CLSTN2: variants seen among roughly 807,000 people sequenced by gnomAD.
The protein encoded by CLSTN2 is calsyntenin 2, also known as calsyntenin-2.
A neutral mutation model predicts 101.2 loss-of-function variants in CLSTN2; 48 were observed. That is an observed-to-expected ratio of 0.47 (90% CI 0.38 to 0.60). The LOEUF (loss-of-function observed/expected upper bound fraction) is 0.60. Ranked by LOEUF, CLSTN2 falls within the 20% of genes least tolerant of loss-of-function variation. The probability of loss-of-function intolerance (pLI) is 0.00; values close to 1 mark genes in which losing one functional copy is unlikely to be tolerated. For missense variants in CLSTN2, 1,160 were observed against 1,238.2 expected (o/e 0.94, Z 0.95); for synonymous variants, 481 against 463.6 (o/e 1.04, Z -0.48).
In CLSTN2 at chr3:140,277,446, A is replaced by G. The variant is rs535366655; in HGVS notation, c.232+101373A>G. On this transcript the variant is annotated intron_variant, in intron 2 of 16. Transcript: ENST00000458420. ...CTGGGCCTGAGACAGATTCCTTCTG[A>G]ATAGTTCTGCAGATGACTGCTCCAA... Among the ~76,000 whole-genome samples the G allele has an allele frequency of 2.0e-4, 30 of 152,296 alleles. No homozygotes were observed. The South Asian group carries it at 3.5e-3, about 18-fold the overall frequency.
chr3:140,225,699 T>C (rs1329430112), intron 2 of CLSTN2, among the ~76,000 whole-genome samples: 1 of 152,112 alleles, frequency 6.6e-6, no homozygotes, highest in Non-Finnish European at 1.5e-5. Context: ...GGTTTCACCA[T>C]GTTGGCAAGG....
intron 1 of CLSTN2, among the ~76,000 whole-genome samples, chr3:139,945,965 T>G (rs1381113322): frequency 2.0e-5 from 3 of 152,250 alleles, no homozygotes; most frequent in Admixed American, 2.0e-4. Context: ...AAGTGTTGGA[T>G]GTAAATTAGA....
chr3:140,114,016 G>A (rs1466843771), intron 1 of CLSTN2, among the ~76,000 whole-genome samples: 3 of 152,154 alleles, frequency 2.0e-5, no homozygotes, highest in African/African-American at 7.2e-5. Context: ...GGGATCTGGT[G>A]ATCTGCAGCA....
chr3:140,290,861 G>A (rs867113978), intron 2 of CLSTN2, among the ~76,000 whole-genome samples: 1 of 152,280 alleles, frequency 6.6e-6, no homozygotes, highest in Middle Eastern at 3.4e-3. Context: ...TTTAGTGGAA[G>A]CAATGTCCTC....
rs1328606638 is a variant in CLSTN2, at chr3:139,935,249, G to T, written c.-126G>T. 9.5e-6 allele frequency: 4 copies of T among 419,496 alleles called. No individual in the cohort carries two copies. Among genetic ancestry groups the T allele is most frequent in the African/African-American group, 4.2e-5 (2 of 48,192 alleles). The allele number at this position is 419,496 out of a possible 1,614,324, so 26.0% of individuals were successfully genotyped here. On this transcript the variant is annotated 5_prime_UTR_variant, in exon 1 of 17. Transcript: ENST00000458420. This position sits in a 1 kb window ranked among gnomAD's most constrained non-coding sequence, Gnocchi z 5.5. ...GCGGGAACCCGAGGCCGAGCGCCGC[G>T]GCGGCAGCGCTAGAAGCGCACCCAT... is the stretch of plus-strand genomic sequence containing the variant.
intron 2 of CLSTN2, among the ~76,000 whole-genome samples, chr3:140,281,125 C>T (rs1194777549): frequency 3.3e-5 from 5 of 152,214 alleles, no homozygotes; most frequent in Admixed American, 2.0e-4. Flanking sequence ...GTGTGACAGC[C>T]TCCCAGCAGG....
intron 2 of CLSTN2, among the ~76,000 whole-genome samples, chr3:140,224,066 A>C (rs1297943739): frequency 6.6e-6 from 1 of 152,216 alleles, no homozygotes; most frequent in Non-Finnish European, 1.5e-5. Context: ...TAATACCCTT[A>C]CAGTATAGTG....
At chr3:140,015,028 C>T (rs1376285604) in intron 1 of CLSTN2, among the ~76,000 whole-genome samples, 2 of 152,164 alleles carry the variant, frequency 1.3e-5, no homozygotes, top group Non-Finnish European at 2.9e-5. Flanking sequence ...ACTTTGTGAC[C>T]ACAACACAGC....
intron 1 of CLSTN2, among the ~76,000 whole-genome samples, chr3:139,972,136 C>T (rs564084605): frequency 3.9e-4 from 59 of 152,100 alleles, no homozygotes; most frequent in Non-Finnish European, 6.8e-4. Context: ...TGGTGGCAGG[C>T]GCCTGTAGTC....
intron 16 of CLSTN2, among the ~76,000 whole-genome samples, chr3:140,564,811 C>T (rs1341986074): frequency 6.6e-6 from 1 of 152,182 alleles, no homozygotes; most frequent in Admixed American, 6.5e-5. Flanking sequence ...CTGTATCTTT[C>T]CAGTTAGCCA....
intron 1 of CLSTN2, among the ~76,000 whole-genome samples, chr3:140,120,659 G>A (rs891096670): frequency 7.9e-5 from 12 of 152,104 alleles, no homozygotes; most frequent in African/African-American, 2.7e-4. Flanking sequence ...ACAAAACATC[G>A]TACTTTGGAG....
At chr3:140,452,502 G>A (rs1933276503) in intron 6 of CLSTN2, 1 of 152,318 alleles carries the variant, frequency 6.6e-6, no homozygotes, top group African/African-American at 2.4e-5. Context: ...TAGTCGTGCA[G>A]TAACCTAGCC....
At chr3:140,474,723 G>T (rs566097868) in intron 8 of CLSTN2, among the ~76,000 whole-genome samples, 3 of 152,178 alleles carry the variant, frequency 2.0e-5, no homozygotes, top group Non-Finnish European at 4.4e-5. Flanking sequence ...CAGCCAATCT[G>T]CTCTGCAGTG....
At chr3:140,537,726 C>A (rs1174735556) in intron 9 of CLSTN2, among the ~76,000 whole-genome samples, 1 of 152,170 alleles carries the variant, frequency 6.6e-6, no homozygotes, top group Non-Finnish European at 1.5e-5. Context: ...TTAATTTGTC[C>A]TTTTCCTTAG....
At chr3:139,940,567 A>C (rs1056613684) in intron 1 of CLSTN2, among the ~76,000 whole-genome samples, 1 of 151,994 alleles carries the variant, frequency 6.6e-6, no homozygotes, top group Non-Finnish European at 1.5e-5. Context: ...TAGAAATCCA[A>C]TAGCTTTGTT....
intron 2 of CLSTN2, among the ~76,000 whole-genome samples, chr3:140,266,073 G>A (rs1382956160): frequency 6.6e-6 from 1 of 152,114 alleles, no homozygotes; most frequent in African/African-American, 2.4e-5. Flanking sequence ...GCCTTCAATA[G>A]CTCAACATCT....
At chr3:140,276,157 G>A (rs1273949893) in intron 2 of CLSTN2, among the ~76,000 whole-genome samples, 1 of 152,178 alleles carries the variant, frequency 6.6e-6, no homozygotes, top group African/African-American at 2.4e-5. Context: ...ATGAGGTGTA[G>A]CTCCATGGGC....
intron 1 of CLSTN2, among the ~76,000 whole-genome samples, chr3:140,023,513 G>A (rs562363987): frequency 1.3e-5 from 2 of 152,272 alleles, no homozygotes; most frequent in Non-Finnish European, 1.5e-5. Flanking sequence ...ACACAGGAAC[G>A]CACTTTCCTT....
At chr3:139,945,156 T>G (rs1213959270) in intron 1 of CLSTN2, among the ~76,000 whole-genome samples, 1 of 152,184 alleles carries the variant, frequency 6.6e-6, no homozygotes, top group Non-Finnish European at 1.5e-5. Flanking sequence ...TAGGTAAAAC[T>G]TTGGAGTCTT....
Sources: gnomAD v4.1 joint callset for allele counts (sites outside exome capture counted in the v4.1 genomes callset) on GRCh38, gnomAD v4.1.1 for gene constraint, Gnocchi (gnomAD v3.1) non-coding constraint, MANE v1.5 for transcripts, NCBI Gene and HGNC (gene_info 2026-07-23, HGNC 2026-07-21) for gene names.